Variants in KCTD16 observed in about 807,000 individuals in gnomAD.
KCTD16 encodes BTB/POZ domain-containing protein KCTD16.
In KCTD16, 13 loss-of-function variants were observed where a neutral mutation model predicts 33.2. The ratio of observed to expected loss-of-function variants is 0.39; its 90% CI spans 0.25 to 0.62. The LOEUF is 0.62. Ranked by LOEUF, KCTD16 falls within the 20% of genes least tolerant of loss-of-function variation. The pLI, the probability that KCTD16 is intolerant of heterozygous loss-of-function variation, is 0.50. For synonymous variants in KCTD16, 197 were observed against 195.3 expected (o/e 1.01, Z -0.07); for missense variants, 441 against 525.1 (o/e 0.84, Z 1.57).
intron 3 of KCTD16, among the ~76,000 whole-genome samples, chr5:144,219,050 G>T (rs769336078): frequency 1.6e-4 from 25 of 152,108 alleles, no homozygotes; most frequent in Admixed American, 9.2e-4. Context: ...TTGGGCAAGT[G>T]TCTTTTCTTC....
intron 3 of KCTD16, among the ~76,000 whole-genome samples, chr5:144,427,364 T>G (rs1258546367): frequency 6.6e-6 from 1 of 152,070 alleles, no homozygotes; most frequent in African/African-American, 2.4e-5. Flanking sequence ...TGGGCTCCTT[T>G]TCTACCTTCC....
chr5:144,192,301 A>G (rs949804665), intron 2 of KCTD16, among the ~76,000 whole-genome samples: 2 of 152,206 alleles, frequency 1.3e-5, no homozygotes, highest in African/African-American at 4.8e-5. Context: ...GATGATCTTG[A>G]CATGAATTTT....
chr5:144,439,327 A>C (rs564560476), intron 3 of KCTD16: 26 of 496,564 alleles, frequency 5.2e-5, no homozygotes, highest in South Asian at 4.4e-4. Flanking sequence ...AATTGAATGG[A>C]GGAATCTTGG....
intron 1 of KCTD16, among the ~76,000 whole-genome samples, chr5:144,173,448 T>C (rs1752437437): frequency 6.6e-6 from 1 of 151,852 alleles, no homozygotes; most frequent in African/African-American, 2.4e-5. Context: ...CATGGACACA[T>C]AGAGGGGAGC....
intron 3 of KCTD16, among the ~76,000 whole-genome samples, chr5:144,224,662 A>G (rs1753874166): frequency 6.6e-6 from 1 of 152,188 alleles, no homozygotes; most frequent in South Asian, 2.1e-4. Flanking sequence ...CTTCCAAACA[A>G]CCAGATACAA....
chr5:144,240,469 C>G (rs1754373072), intron 3 of KCTD16, among the ~76,000 whole-genome samples: 2 of 152,000 alleles, frequency 1.3e-5, no homozygotes, highest in South Asian at 4.1e-4. Context: ...CCCTGTATTA[C>G]CCTTCATCCA....
rs755853865 is a variant in KCTD16, at chr5:144,473,901, G to A, written c.1074G>A (p.Glu358=). 1 of 1,613,970 alleles carries A rather than the reference G, an allele frequency of 6.2e-7. No homozygotes were observed. The highest frequency in any genetic ancestry group is 8.5e-7 in the Non-Finnish European group (1 of 1,180,022). ...KGPVQLIQQS[E]MRRKSDLLRT... ...CTGTCCAGCTGATCCAACAGTCAGA[G>A]ATGCGGCGGAAAAGCGACTTACTCC... Residue 358 remains glutamate, a synonymous_variant, in exon 4 of 4, where the codon GAG becomes GAA. Coordinates refer to ENST00000512467, the MANE Select transcript of KCTD16 (RefSeq NM_020768.4).
intron 3 of KCTD16, among the ~76,000 whole-genome samples, chr5:144,223,553 G>A (rs1016270449): frequency 2.6e-5 from 4 of 151,986 alleles, no homozygotes; most frequent in African/African-American, 9.7e-5. Flanking sequence ...GTTATGGTGT[G>A]TAGATCCTAG....
chr5:144,275,630 T>A lies in KCTD16; in HGVS notation c.832+68084T>A, dbSNP rs531057672. Among the ~76,000 whole-genome samples the A allele has an allele frequency of 6.6e-5, 10 of 152,322 alleles. No homozygotes were observed. In the South Asian group the frequency reaches 2.1e-3, roughly 32 times the overall value. ...ATTATTCCAAAGAGTGTCATGGGAT[T>A]CTCAAAACAAAATTAGTTTTAATTT... On this transcript the variant is annotated intron_variant, in intron 3 of 3. Coordinates refer to ENST00000512467, the MANE Select transcript of KCTD16 (RefSeq NM_020768.4).
chr5:144,192,062 AG>A (rs1273082135), intron 2 of KCTD16, among the ~76,000 whole-genome samples: 1 of 152,168 alleles, frequency 6.6e-6, no homozygotes, highest in Non-Finnish European at 1.5e-5. Context: ...GGTGGACCAA[AG>A]GGGGCATCTC....
intron 3 of KCTD16, among the ~76,000 whole-genome samples, chr5:144,411,226 A>G (rs1752925615): frequency 6.6e-6 from 1 of 152,200 alleles, no homozygotes; most frequent in East Asian, 1.9e-4. Context: ...TGAATAGCCC[A>G]AGGAAACCTG....
chr5:144,346,699 G>C (rs755502667), intron 3 of KCTD16, among the ~76,000 whole-genome samples: 1 of 152,048 alleles, frequency 6.6e-6, no homozygotes, highest in Non-Finnish European at 1.5e-5. Flanking sequence ...TTTTTGATTG[G>C]ATTATTAGAC....
chr5:144,207,015 C>G lies in KCTD16; in HGVS notation c.301C>G (p.Pro101Ala). 2.5e-6 allele frequency: 4 copies of G among 1,614,140 alleles called. No individual in the cohort carries two copies. Among genetic ancestry groups the G allele is most frequent in the Non-Finnish European group, 3.4e-6 (4 of 1,180,024 alleles). Residue 101 changes from proline (P) to alanine (A), a missense_variant, in exon 3 of 4, where the codon CCA becomes GCA. Physicochemically the swap from Pro to Ala is conservative, Grantham distance 27. Coordinates refer to ENST00000512467, the MANE Select transcript of KCTD16 (RefSeq NM_020768.4). Reference protein sequence around the residue: ...DRQVVLPDHFPEKGRLKREAE... With the variant: ...DRQVVLPDHFAEKGRLKREAE... ...GCAGGTGGTCCTGCCTGATCACTTT[C>G]CAGAAAAAGGAAGACTGAAAAGGGA...
chr5:144,268,454 A>G (rs780665756), intron 3 of KCTD16, among the ~76,000 whole-genome samples: 1 of 152,182 alleles, frequency 6.6e-6, no homozygotes, highest in Non-Finnish European at 1.5e-5. Flanking sequence ...AGTCACAAAT[A>G]ACTTTATATA....
intron 3 of KCTD16, among the ~76,000 whole-genome samples, chr5:144,431,219 C>T (rs570964980): frequency 6.6e-6 from 1 of 152,212 alleles, no homozygotes; most frequent in South Asian, 2.1e-4. Context: ...ACCTGCATAT[C>T]CATTTAACAT....
At chr5:144,317,215 G>A (rs564746848) in intron 3 of KCTD16, among the ~76,000 whole-genome samples, 11 of 152,142 alleles carry the variant, frequency 7.2e-5, no homozygotes, top group African/African-American at 2.6e-4. Context: ...ACATTAAGGA[G>A]TGCAGTGACT....
intron 3 of KCTD16, among the ~76,000 whole-genome samples, chr5:144,404,954 C>A (rs1027255056): frequency 6.6e-6 from 1 of 152,158 alleles, no homozygotes; most frequent in Non-Finnish European, 1.5e-5. Flanking sequence ...GGAATTAAGA[C>A]ACATCTTTCC....
chr5:144,275,409 G>A (rs889753487), intron 3 of KCTD16, among the ~76,000 whole-genome samples: 6 of 152,126 alleles, frequency 3.9e-5, no homozygotes, highest in African/African-American at 1.4e-4. Flanking sequence ...ACAGATACGG[G>A]AAAGCAAAGC....
At chr5:144,270,210 C>T (rs1358559934) in intron 3 of KCTD16, among the ~76,000 whole-genome samples, 2 of 151,898 alleles carry the variant, frequency 1.3e-5, no homozygotes, top group East Asian at 3.8e-4. Flanking sequence ...AATAAAGACA[C>T]AAGATCCAAA....
Sources: gnomAD v4.1 joint callset for allele counts (sites outside exome capture counted in the v4.1 genomes callset) on GRCh38, gnomAD v4.1.1 for gene constraint, MANE v1.5 for transcripts, NCBI Gene and HGNC (gene_info 2026-07-23, HGNC 2026-07-21) for gene names.